The following ABCC9 variants were observed in gnomAD, a reference collection of about 807,000 sequenced individuals.
ABCC9 encodes ATP-binding cassette sub-family C member 9.
Under a neutral mutation model 188.3 loss-of-function variants are expected in ABCC9, and 95 were observed. The observed-to-expected ratio is 0.50, with a 90% confidence interval of 0.43 to 0.60. ABCC9 has a LOEUF of 0.60. ABCC9 is among the 20% of genes least tolerant of loss of function. The pLI, the probability that ABCC9 is intolerant of heterozygous loss-of-function variation, is 0.00. For synonymous variants in ABCC9, 659 were observed against 652.7 expected (o/e 1.01, Z -0.15); for missense variants, 1,102 against 1,876.3 (o/e 0.59, Z 7.62).
At chr12:21,812,353 A>G (rs1420354609) in intron 35 of ABCC9, among the ~76,000 whole-genome samples, 196 bp from the exon 36 acceptor site, 9 of 152,230 alleles carry the variant, frequency 5.9e-5, no homozygotes, top group Non-Finnish European at 1.0e-4. Flanking sequence ...TACTGGGTAT[A>G]TACCCAAAGG....
At chr12:21,904,663 C>T (rs1159057907) in intron 12 of ABCC9, among the ~76,000 whole-genome samples, 2 of 152,142 alleles carry the variant, frequency 1.3e-5, no homozygotes, top group African/African-American at 4.8e-5. Context: ...ATGCAGCCAA[C>T]ACACACATGA....
intron 12 of ABCC9, among the ~76,000 whole-genome samples, chr12:21,897,405 C>G (rs1592175325): frequency 6.6e-6 from 1 of 152,104 alleles, no homozygotes; most frequent in African/African-American, 2.4e-5. Flanking sequence ...TATTTTCACC[C>G]TATATTCTAA....
chr12:21,805,711 T>A (rs964974299), intron 39 of ABCC9, among the ~76,000 whole-genome samples: 1 of 152,214 alleles, frequency 6.6e-6, no homozygotes. Flanking sequence ...TTATATGAAC[T>A]ACCATTTTAT....
rs1740323767 is a variant in ABCC9 at position 21,844,528 on chromosome 12, T to A, written c.3270A>T (p.Gly1090=). Residue 1090 remains glycine, a synonymous_variant, in exon 28 of 40, where the codon GGA becomes GGT. Coordinates refer to ENST00000261200, the MANE Select transcript of ABCC9 (RefSeq NM_020297.4). ...CAGCTGAAAAGCGATTGAGAATCAGTCCCAGGGGTGTGGTATCAAAAAACC... is the reference window on the plus strand; with the variant it reads ...CAGCTGAAAAGCGATTGAGAATCAGACCCAGGGGTGTGGTATCAAAAAACC... ...PIRFFDTTPL[G]LILNRFSADT... The A allele has an allele frequency of 2.5e-6, 4 of 1,613,640 alleles. No homozygotes were observed. Among genetic ancestry groups the A allele is most frequent in the Non-Finnish European group, 3.4e-6 (4 of 1,179,748 alleles).
At chr12:21,856,396 A>G (rs1945226277) in intron 22 of ABCC9, among the ~76,000 whole-genome samples, 1 of 152,112 alleles carries the variant, frequency 6.6e-6, no homozygotes, top group African/African-American at 2.4e-5. Context: ...ATTCTCTTAT[A>G]TATTCAATAA....
intron 24 of ABCC9, among the ~76,000 whole-genome samples, chr12:21,849,634 C>T (rs704182): frequency 0.55 from 83,287 of 151,900 alleles, 23,657 homozygotes; most frequent in African/African-American, 0.67. Flanking sequence ...CCCAAACAAA[C>T]TTTAAAGCAA....
rs527452047 is a variant in ABCC9, at chr12:21,836,826, C to G, written c.3566+1252G>C. ...GGGCTTACATTCCAGTTGGAAAGGA[C>G]AGATAACTTGTAAACAAATAAAAAA... On this transcript the variant is annotated intron_variant, in intron 30 of 39. Coordinates refer to ENST00000261200, the MANE Select transcript of ABCC9 (RefSeq NM_020297.4). Among the ~76,000 whole-genome samples, 110 of 151,984 alleles carry G rather than the reference C, an allele frequency of 7.2e-4. 3 individuals carry two copies. In the South Asian group the frequency reaches 0.016, roughly 22 times the overall value.
At chr12:21,922,937 A>G (rs777299298) in intron 5 of ABCC9, 2 of 151,580 alleles carry the variant, frequency 1.3e-5, no homozygotes, top group Non-Finnish European at 3.0e-5. Context: ...CTATGAATAC[A>G]TCAAAGAAAC....
rs1944438032 is a variant in ABCC9, at chr12:21,842,413, A to G, written c.3374T>C (p.Ile1125Thr). Residue 1125 changes from isoleucine to threonine, a missense_variant, in exon 29 of 40, where the codon ATT (isoleucine) becomes ACT (threonine). By Grantham distance (89) the Ile-to-Thr change is moderately conservative (BLOSUM62 -1). This residue lies in a region of ABCC9 where 12 missense variants were observed against 57.2 expected (regional missense o/e 0.21). Transcript: ENST00000261200. ...AGGAGTAGCATAAGAAATCATCCCA[A>G]TGGCAGACAGGCAGAGCAGTGTTGA... The part of the protein sequence containing the change: ...TRSTLLCLSA[I>T]GMISYATPVF... 6.2e-7 allele frequency: 1 copy of G among 1,614,128 alleles called. No individual in the cohort carries two copies. Among genetic ancestry groups the G allele is most frequent in the African/African-American group, 1.3e-5 (1 of 75,050 alleles).
chr12:21,844,427 A>G (rs1448136792), intron 28 of ABCC9, 56 bp downstream of exon 28: 2 of 1,376,432 alleles, frequency 1.5e-6, no homozygotes, highest in African/African-American at 2.9e-5. Context: ...TTAAAATGCT[A>G]TTTAGCTTAC....
At chr12:21,923,042 C>G (rs1356943856) in intron 5 of ABCC9, 1 of 147,916 alleles carries the variant, frequency 6.8e-6, no homozygotes, top group Non-Finnish European at 1.5e-5. Context: ...AACAGAAAGT[C>G]TATCCCACAA....
At chr12:21,879,882 C>T (rs1047226624) in intron 16 of ABCC9, among the ~76,000 whole-genome samples, 1 of 151,806 alleles carries the variant, frequency 6.6e-6, no homozygotes, top group South Asian at 2.1e-4. Context: ...AAGACTTGTT[C>T]TAAAAGGTGT....
chr12:21,927,718 C>T (rs988567630), intron 4 of ABCC9, among the ~76,000 whole-genome samples: 18 of 152,028 alleles, frequency 1.2e-4, no homozygotes, highest in African/African-American at 4.1e-4. Flanking sequence ...ATTTAAGTGT[C>T]TGTAGACATT....
intron 12 of ABCC9, among the ~76,000 whole-genome samples, chr12:21,895,658 T>C (rs1201883738): frequency 6.6e-6 from 1 of 152,244 alleles, no homozygotes; most frequent in Non-Finnish European, 1.5e-5. Flanking sequence ...AGTCTATCTT[T>C]TGTTTAGTCC....
At chr12:21,844,442 T>C (rs747011547) in intron 28 of ABCC9, 41 bp downstream of exon 28, 4 of 1,500,660 alleles carry the variant, frequency 2.7e-6, no homozygotes, top group Non-Finnish European at 3.7e-6. Flanking sequence ...GCTTACATTG[T>C]GAAACTAATT....
chr12:21,906,457 T>C (rs535647394), intron 11 of ABCC9, among the ~76,000 whole-genome samples, 169 bp from the exon 12 acceptor site: 1 of 152,222 alleles, frequency 6.6e-6, no homozygotes, highest in East Asian at 1.9e-4. Flanking sequence ...TTGTGCTTCA[T>C]GAAATAAAGA....
chr12:21,874,888 C>A (rs1263008336), intron 17 of ABCC9, among the ~76,000 whole-genome samples: 2 of 151,332 alleles, frequency 1.3e-5, no homozygotes, highest in Non-Finnish European at 2.9e-5. Flanking sequence ...ATTGTGGGTT[C>A]CAGGAGATGG....
chr12:21,855,160 A>G (rs1945156160), intron 22 of ABCC9, among the ~76,000 whole-genome samples: 1 of 152,178 alleles, frequency 6.6e-6, no homozygotes, highest in Admixed American at 6.6e-5. Context: ...ACATGAATTG[A>G]AAATAAATTT....
intron 31 of ABCC9, chr12:21,827,070 A>G: frequency 1.0e-6 from 1 of 959,984 alleles, no homozygotes; most frequent in Non-Finnish European, 1.2e-6. Context: ...CAAGATACAG[A>G]GTCTATTATA....
Sources: allele counts gnomAD v4.1 joint callset (sites outside exome capture counted in the v4.1 genomes callset), GRCh38; gene constraint gnomAD v4.1.1; regional missense constraint gnomAD v4.1.1; transcripts MANE v1.5; gene names NCBI Gene and HGNC (gene_info 2026-07-23, HGNC 2026-07-21).